NOVA2: variants seen among roughly 807,000 people sequenced by gnomAD.
NOVA2 encodes NOVA alternative splicing regulator 2, also known as RNA-binding protein Nova-2.
NOVA2 carries 9 observed loss-of-function variants against 22.5 expected under a neutral mutation model. That is an observed-to-expected ratio of 0.40 (90% CI 0.24 to 0.70). The LOEUF is 0.70. NOVA2 is among the 30% of genes least tolerant of loss of function. The pLI, the probability that NOVA2 is intolerant of heterozygous loss-of-function variation, is 0.38. For synonymous variants in NOVA2, 318 were observed against 335.2 expected (o/e 0.95, Z 0.56); for missense variants, 383 against 682.8 (o/e 0.56, Z 4.89).
Position 45,940,509 on chromosome 19 carries a change from G to A in NOVA2, c.833C>T (p.Ala278Val). 6.6e-7 allele frequency: 1 copy of A among 1,519,504 alleles called. No homozygotes were observed. The highest frequency in any genetic ancestry group is 8.8e-7 in the Non-Finnish European group (1 of 1,134,616). The allele number at this position is 1,519,504 out of a possible 1,614,324, so 94.1% of individuals were successfully genotyped here. A position where few individuals can be genotyped will look rare whatever the true frequency, so the allele number is the denominator to read the frequency against. Residue 278 changes from alanine to valine, a missense_variant, in exon 4 of 4, where the codon GCC becomes GTC. This residue lies in a region of NOVA2 where 349 missense variants were observed against 578.1 expected (regional missense o/e 0.60). Transcript: ENST00000263257. ...LPAFSGTDLL[A>V]ISTALNTLAS... ...CAGCGTGTTAAGCGCCGTGCTGATG[G>A]CCAGCAGGTCGGTGCCTGAGAAGGC...
chr19:45,970,380 G>GT (rs34361192), intron 1 of NOVA2, among the ~76,000 whole-genome samples: 28 of 142,606 alleles, frequency 2.0e-4, no homozygotes, highest in African/African-American at 3.6e-4. Flanking sequence ...TTTTTTGTTG[G>GT]TTTTTTTTTT....
chr19:45,953,784 T>C lies in NOVA2; in HGVS notation c.392A>G (p.Lys131Arg). The C allele has an allele frequency of 1.2e-6, 2 of 1,614,186 alleles. No individual in the cohort carries two copies. Among genetic ancestry groups the C allele is most frequent in the Non-Finnish European group, 1.7e-6 (2 of 1,180,028 alleles). The stretch of plus-strand genomic sequence containing the variant: ...CCAGTCTCTGCCCCAGCTGACCTGC[T>C]TGGCTCTGTCGGGGTTCATCGTGGT... Reference protein sequence around the residue: ...PQTTMNPDRAKQAKLIVPNST... With the variant: ...PQTTMNPDRARQAKLIVPNST... The change falls in exon 3 of 4, where the codon AAG (lysine) becomes AGG (arginine). Residue 131 changes from lysine (K) to arginine (R), a missense_variant. Transcript: ENST00000263257.
intron 2 of NOVA2, among the ~76,000 whole-genome samples, chr19:45,960,295 G>C (rs1175572741): frequency 6.6e-6 from 1 of 151,460 alleles, no homozygotes. Context: ...ACAGAGTTCA[G>C]AGAGAGAGAG....
chr19:45,959,677 G>C (rs1482939194), intron 2 of NOVA2, among the ~76,000 whole-genome samples: 6 of 151,620 alleles, frequency 4.0e-5, no homozygotes, highest in Non-Finnish European at 8.8e-5. Flanking sequence ...ATGGGAGGCT[G>C]GGGGCGGGGT....
At chr19:45,952,153 T>C (rs1415231512) in intron 3 of NOVA2, among the ~76,000 whole-genome samples, 1 of 152,218 alleles carries the variant, frequency 6.6e-6, no homozygotes, top group South Asian at 2.1e-4. Flanking sequence ...AGTAGACCTG[T>C]TTCCTGACTC....
At chr19:45,971,718 C>T (rs185150781) in intron 1 of NOVA2, among the ~76,000 whole-genome samples, 2 of 152,126 alleles carry the variant, frequency 1.3e-5, no homozygotes, top group Non-Finnish European at 2.9e-5. Context: ...CTCTCCCATC[C>T]GGAGGAAAAG....
rs949530984 is a variant in NOVA2, at chr19:45,935,174, C to G, written c.*4689G>C. On this transcript the variant is annotated 3_prime_UTR_variant, in exon 4 of 4. Transcript: ENST00000263257. ...GAGGGGGGGTTAGGCAGTCCCCCCC[C>G]AGTTATCTCTGGGAGACAAGTGTCC... is the stretch of plus-strand genomic sequence containing the variant. 3.3e-5 allele frequency: 5 copies of G among 151,588 alleles called. No homozygotes were observed. The highest frequency in any genetic ancestry group is 7.3e-5 in the African/African-American group (3 of 41,204). 9.4% of individuals were successfully genotyped at this position (151,588 alleles called of 1,614,324 possible).
chr19:45,941,309 A>AATATATATATATATATATATATAT (rs4039577), intron 3 of NOVA2, among the ~76,000 whole-genome samples: 9 of 129,806 alleles, frequency 6.9e-5, no homozygotes, highest in African/African-American at 2.4e-4. Flanking sequence ...AAAATAAAAT[A>AATATATATATATATATATATATAT]ATATATATAT....
chr19:45,952,386 A>T (rs1184481646), intron 3 of NOVA2, among the ~76,000 whole-genome samples: 1 of 152,174 alleles, frequency 6.6e-6, no homozygotes, highest in African/African-American at 2.4e-5. Context: ...GAAGGATTCA[A>T]CTAAACAACA....
At chr19:45,948,094 T>G (rs1338608293) in intron 3 of NOVA2, among the ~76,000 whole-genome samples, 2 of 152,074 alleles carry the variant, frequency 1.3e-5, no homozygotes, top group Non-Finnish European at 2.9e-5. Context: ...TGACCACAAG[T>G]AGCTGGAACT....
At chr19:45,968,518 C>T (rs1465192258) in intron 1 of NOVA2, among the ~76,000 whole-genome samples, 1 of 151,738 alleles carries the variant, frequency 6.6e-6, no homozygotes, top group Non-Finnish European at 1.5e-5. Flanking sequence ...AGATGGGCCA[C>T]GGTTTTCTTG....
At chr19:45,968,721 A>T (rs981324904) in intron 1 of NOVA2, among the ~76,000 whole-genome samples, 1 of 152,114 alleles carries the variant, frequency 6.6e-6, no homozygotes, top group Non-Finnish European at 1.5e-5. Flanking sequence ...TCCTGCCTCC[A>T]TGTTTCAGAC....
chr19:45,955,490 C>T (rs144037106), intron 2 of NOVA2, among the ~76,000 whole-genome samples: 26 of 151,970 alleles, frequency 1.7e-4, no homozygotes, highest in East Asian at 1.9e-4. Context: ...CTGGGTGAGC[C>T]GGGATGTGTG....
intron 1 of NOVA2, among the ~76,000 whole-genome samples, chr19:45,964,204 A>C (rs1462422541): frequency 9.2e-5 from 12 of 130,034 alleles, no homozygotes; most frequent in Non-Finnish European, 1.7e-4. Flanking sequence ...TTTTTGAGAC[A>C]ATCTCGCTCT....
In NOVA2 at chr19:45,940,208, GCCCCCTCCGCCC is replaced by G; in HGVS notation, c.1122_1133del (p.Gly376_Gly379del). ...CGGCTGCAGCGGCCACCAGCGGGCC[GCCCCCTCCGCCC>G]GCCCCGCCGCCCGCCCCGGCCCCGA... On this transcript the variant is annotated inframe_deletion, in exon 4 of 4. Coordinates refer to ENST00000263257, the MANE Select transcript of NOVA2 (RefSeq NM_002516.4). 1 of 1,193,500 alleles carries G rather than the reference GCCCCCTCCGCCC, an allele frequency of 8.4e-7. No individual in the cohort carries two copies. The highest frequency in any genetic ancestry group is 1.0e-6 in the Non-Finnish European group (1 of 966,240). 73.9% of individuals were successfully genotyped at this position (1,193,500 alleles called of 1,614,324 possible). A position where few individuals can be genotyped will look rare whatever the true frequency, so the allele number is the denominator to read the frequency against.
chr19:45,944,513 A>C (rs190456426), intron 3 of NOVA2, among the ~76,000 whole-genome samples: 41 of 152,354 alleles, frequency 2.7e-4, no homozygotes, highest in Admixed American at 1.8e-3. Flanking sequence ...GTTTTATAAC[A>C]AATCACCTTC....
chr19:45,961,489 T>C (rs1435282693), intron 1 of NOVA2, among the ~76,000 whole-genome samples: 1 of 150,260 alleles, frequency 6.7e-6, no homozygotes, highest in Admixed American at 6.6e-5. Context: ...ATATTTCATG[T>C]CAGATGGTGG....
intron 2 of NOVA2, among the ~76,000 whole-genome samples, chr19:45,957,848 T>C (rs555474296): frequency 1.3e-5 from 2 of 151,356 alleles, no homozygotes; most frequent in Admixed American, 1.3e-4. Context: ...GGCTCAAGCC[T>C]AGCACTTTGG....
chr19:45,946,596 A>G (rs965781699), intron 3 of NOVA2, among the ~76,000 whole-genome samples: 4 of 152,184 alleles, frequency 2.6e-5, no homozygotes, highest in African/African-American at 9.6e-5. Context: ...GAGGTCAGCC[A>G]GGCACGGTGG....
Sources: allele counts gnomAD v4.1 joint callset (sites outside exome capture counted in the v4.1 genomes callset), GRCh38; gene constraint gnomAD v4.1.1; regional missense constraint gnomAD v4.1.1; transcripts MANE v1.5; gene names NCBI Gene and HGNC (gene_info 2026-07-23, HGNC 2026-07-21).